The following ESRRG variants were observed in gnomAD, a reference collection of about 807,000 sequenced individuals.
ESRRG encodes estrogen-related receptor gamma.
In ESRRG, 13 loss-of-function variants were observed where a neutral mutation model predicts 44.0. That is an observed-to-expected ratio of 0.30 (90% CI 0.19 to 0.47). The LOEUF (loss-of-function observed/expected upper bound fraction) is 0.47. ESRRG is among the 20% of genes least tolerant of loss of function. The pLI, the probability that ESRRG is intolerant of heterozygous loss-of-function variation, is 1.00. For synonymous variants in ESRRG, 215 were observed against 214.6 expected (o/e 1.00, Z -0.02); for missense variants, 395 against 580.6 (o/e 0.68, Z 3.29).
At chr1:216,754,978 G>C (rs2092355675) in intron 2 of ESRRG, among the ~76,000 whole-genome samples, 1 of 151,802 alleles carries the variant, frequency 6.6e-6, no homozygotes, top group African/African-American at 2.4e-5. Flanking sequence ...TCTTAAAAGA[G>C]GCAGATGATG....
intron 1 of ESRRG, among the ~76,000 whole-genome samples, chr1:217,038,254 C>T (rs2083263863): frequency 6.6e-6 from 1 of 152,242 alleles, no homozygotes; most frequent in African/African-American, 2.4e-5. Context: ...GGCCCTGCCC[C>T]TGCAGCAAAC....
At chr1:216,897,062 G>A (rs1457387600) in intron 2 of ESRRG, among the ~76,000 whole-genome samples, 1 of 152,186 alleles carries the variant, frequency 6.6e-6, no homozygotes, top group Non-Finnish European at 1.5e-5. Flanking sequence ...GAAAAGAGAT[G>A]AGAAGAGTTT....
chr1:216,673,617 A>G (rs569593044), intron 2 of ESRRG, among the ~76,000 whole-genome samples: 1 of 152,364 alleles, frequency 6.6e-6, no homozygotes, highest in East Asian at 1.9e-4. Flanking sequence ...CAGCATCCTA[A>G]AGAATAATCA....
chr1:217,090,204 T>C (rs1464747307), upstream of ESRRG, among the ~76,000 whole-genome samples: 1 of 152,126 alleles, frequency 6.6e-6, no homozygotes, highest in Non-Finnish European at 1.5e-5. Context: ...AAGCATGCGT[T>C]CATCTTTTGT....
At chr1:216,580,091 T>G (rs2062456782) in intron 3 of ESRRG, among the ~76,000 whole-genome samples, 1 of 152,224 alleles carries the variant, frequency 6.6e-6, no homozygotes, top group Non-Finnish European at 1.5e-5. Flanking sequence ...TGGTGTATGT[T>G]GTAAAGTGTC....
chr1:216,777,538 G>A (rs1443151786), intron 2 of ESRRG, among the ~76,000 whole-genome samples: 1 of 152,064 alleles, frequency 6.6e-6, no homozygotes, highest in East Asian at 1.9e-4. Flanking sequence ...AATCAGCAAG[G>A]GGTTGTGTAA....
intron 1 of ESRRG, among the ~76,000 whole-genome samples, chr1:217,056,887 T>TAG (rs1190764618): frequency 3.9e-5 from 6 of 152,026 alleles, no homozygotes; most frequent in Admixed American, 2.6e-4. Context: ...TGGGTATCGA[T>TAG]GGACCTGAGA....
At chr1:216,687,088 G>A (rs1575311937) in intron 1 of ESRRG, among the ~76,000 whole-genome samples, 1 of 151,880 alleles carries the variant, frequency 6.6e-6, no homozygotes, top group South Asian at 2.1e-4. Context: ...CTGTGTGTGT[G>A]TTGCAGGAGA....
chr1:216,661,444 T>C (rs950514900), intron 2 of ESRRG, among the ~76,000 whole-genome samples: 1 of 152,210 alleles, frequency 6.6e-6, no homozygotes, highest in Non-Finnish European at 1.5e-5. Context: ...AAAAGCCTTG[T>C]TAATAAAATA....
intron 3 of ESRRG, among the ~76,000 whole-genome samples, chr1:216,649,495 C>CAT (rs748988739): frequency 8.8e-5 from 13 of 147,632 alleles, no homozygotes; most frequent in South Asian, 2.3e-4. Flanking sequence ...TCTCTATATA[C>CAT]ATATATATAT....
chr1:217,106,558 GA>G (rs2092599649), intron 1 of ESRRG, among the ~76,000 whole-genome samples: 2 of 152,304 alleles, frequency 1.3e-5, no homozygotes, highest in South Asian at 4.1e-4. Context: ...TAAGGAAGAA[GA>G]AAAGCTCTGA....
chr1:216,804,218 C>T (rs1011223194), intron 2 of ESRRG, among the ~76,000 whole-genome samples: 3 of 152,088 alleles, frequency 2.0e-5, no homozygotes, highest in Non-Finnish European at 2.9e-5. Context: ...AGCAATGTCT[C>T]GTCAATATCT....
intron 2 of ESRRG, among the ~76,000 whole-genome samples, chr1:216,767,928 A>G (rs1344101581): frequency 6.6e-6 from 1 of 152,178 alleles, no homozygotes; most frequent in Non-Finnish European, 1.5e-5. Flanking sequence ...AGCTGAGATT[A>G]TTAACTAAAA....
chr1:216,804,120 G>T (rs993655418), intron 2 of ESRRG, among the ~76,000 whole-genome samples: 3 of 152,090 alleles, frequency 2.0e-5, no homozygotes, highest in Non-Finnish European at 4.4e-5. Context: ...CACTGGAAGT[G>T]TAAGTTGCAT....
At chr1:216,645,023 C>T (rs1289575533) in intron 3 of ESRRG, among the ~76,000 whole-genome samples, 5 of 152,208 alleles carry the variant, frequency 3.3e-5, no homozygotes, top group African/African-American at 9.6e-5. Flanking sequence ...ATACTGACTG[C>T]ACTTCAATAT....
chr1:217,081,378 C>A (rs2091761616), intron 1 of ESRRG, among the ~76,000 whole-genome samples: 1 of 151,638 alleles, frequency 6.6e-6, no homozygotes, highest in South Asian at 2.1e-4. Context: ...CAGGCATGAG[C>A]CACCACGCCC....
chr1:216,996,288 GTA>G (rs1560411088), intron 1 of ESRRG, among the ~76,000 whole-genome samples: 2 of 151,856 alleles, frequency 1.3e-5, no homozygotes, highest in African/African-American at 4.8e-5. Flanking sequence ...TAAAAGGAGA[GTA>G]TAAAAAGTGT....
chr1:216,888,234 T>C (rs2057303127), intron 2 of ESRRG, among the ~76,000 whole-genome samples: 1 of 152,184 alleles, frequency 6.6e-6, no homozygotes, highest in African/African-American at 2.4e-5. Flanking sequence ...ATGGCAACAA[T>C]TCGTTATTAC....
chr1:216,736,655 AGCT>A (rs2089972499), intron 2 of ESRRG, among the ~76,000 whole-genome samples: 1 of 152,146 alleles, frequency 6.6e-6, no homozygotes, highest in Non-Finnish European at 1.5e-5. Context: ...CCCTTGCGCT[AGCT>A]GCTGCATTTC....
Sources: gnomAD v4.1 joint callset for allele counts (sites outside exome capture counted in the v4.1 genomes callset) on GRCh38, gnomAD v4.1.1 for gene constraint, MANE v1.5 for transcripts, NCBI Gene and HGNC (gene_info 2026-07-23, HGNC 2026-07-21) for gene names.